Variants in FAM53B observed in about 807,000 individuals in gnomAD.
FAM53B encodes protein FAM53B.
In FAM53B, 12 loss-of-function variants were observed where a neutral mutation model predicts 32.7. The ratio of observed to expected loss-of-function variants is 0.37; its 90% confidence interval spans 0.24 to 0.59. FAM53B has a LOEUF of 0.59. FAM53B is among the 20% of genes least tolerant of loss of function. FAM53B has a pLI of 0.72. For missense variants in FAM53B, 477 were observed against 577.7 expected (o/e 0.83, Z 1.79); for synonymous variants, 234 against 228.7 (o/e 1.02, Z -0.21).
chr10:124,661,419 A>C (rs948522924), intron 4 of FAM53B, among the ~76,000 whole-genome samples: 7 of 152,206 alleles, frequency 4.6e-5, no homozygotes, highest in Admixed American at 3.3e-4. Context: ...CCTCAACTGC[A>C]GAGGAAAAAG....
chr10:124,707,321 C>A (rs1949967213), intron 1 of FAM53B, among the ~76,000 whole-genome samples: 2 of 152,222 alleles, frequency 1.3e-5, no homozygotes, highest in Admixed American at 6.5e-5. Context: ...GCATCCAACA[C>A]CAAAGGGGTC....
At chr10:124,691,965 C>A (rs921373494) in intron 3 of FAM53B, among the ~76,000 whole-genome samples, 1 of 152,202 alleles carries the variant, frequency 6.6e-6, no homozygotes, top group East Asian at 1.9e-4. Flanking sequence ...GGGGGTGGGC[C>A]GCACCACGGA....
chr10:124,676,739 C>T (rs1949738760), intron 4 of FAM53B, among the ~76,000 whole-genome samples: 3 of 152,194 alleles, frequency 2.0e-5, no homozygotes, highest in South Asian at 2.1e-4. Flanking sequence ...CCTGCGGCCC[C>T]GCCCACCCAG....
intron 4 of FAM53B, among the ~76,000 whole-genome samples, chr10:124,647,561 A>G (rs375955900): frequency 1.9e-4 from 29 of 152,324 alleles, no homozygotes; most frequent in African/African-American, 6.7e-4. Flanking sequence ...AACAAGTGTG[A>G]GCAGAGATGC....
intron 2 of FAM53B, chr10:124,703,694 C>A: frequency 6.5e-6 from 1 of 152,716 alleles, no homozygotes; most frequent in Non-Finnish European, 1.5e-5. Flanking sequence ...ACAGATGGAC[C>A]CAAAGCACTG....
chr10:124,693,331 G>A (rs916813941), intron 3 of FAM53B, among the ~76,000 whole-genome samples: 2 of 152,062 alleles, frequency 1.3e-5, no homozygotes, highest in Admixed American at 6.5e-5. Flanking sequence ...TTAGCTGGGC[G>A]TGGTGGCACA....
intron 4 of FAM53B, among the ~76,000 whole-genome samples, chr10:124,634,335 T>C (rs772154319): frequency 4.6e-5 from 7 of 152,206 alleles, no homozygotes; most frequent in Non-Finnish European, 1.0e-4. Context: ...TCCATTGATA[T>C]GAAATGTCCA....
At chr10:124,669,226 G>GT (rs1171128732) in intron 4 of FAM53B, among the ~76,000 whole-genome samples, 3 of 152,252 alleles carry the variant, frequency 2.0e-5, no homozygotes, top group African/African-American at 7.2e-5. Context: ...CTTGAGGGAT[G>GT]TAACGCGCAC....
In FAM53B at chr10:124,622,890, T is replaced by C. The variant is rs1270609510; in HGVS notation, c.*352A>G. Reference sequence around the variant, plus strand: ...CTGACAGCCCCCACCACCAGGGGGATACAGAGCGGTGCCCAGCTCTGCCGG... The same window carrying C: ...CTGACAGCCCCCACCACCAGGGGGACACAGAGCGGTGCCCAGCTCTGCCGG... On this transcript the variant is annotated 3_prime_UTR_variant, in exon 5 of 5. Coordinates refer to ENST00000337318, the MANE Select transcript of FAM53B (RefSeq NM_014661.4). The C allele has an allele frequency of 1.5e-5, 3 of 202,014 alleles. No homozygotes were observed. In the Admixed American group the frequency reaches 1.7e-4, roughly 11 times the overall value. The allele number at this position is 202,014 out of a possible 1,614,324, so 12.5% of individuals were successfully genotyped here.
At chr10:124,724,715 C>G (rs930877276) in intron 1 of FAM53B, among the ~76,000 whole-genome samples, 1 of 152,204 alleles carries the variant, frequency 6.6e-6, no homozygotes, top group African/African-American at 2.4e-5. Context: ...CCAACAGCCC[C>G]AGCCGTGACC....
intron 4 of FAM53B, among the ~76,000 whole-genome samples, chr10:124,664,715 C>T (rs909242885): frequency 1.3e-5 from 2 of 152,224 alleles, no homozygotes; most frequent in Admixed American, 6.5e-5. Context: ...GGGATAGTCC[C>T]GTATTCCAAA....
chr10:124,719,494 A>G (rs1260048994), intron 1 of FAM53B, among the ~76,000 whole-genome samples: 1 of 152,224 alleles, frequency 6.6e-6, no homozygotes, highest in Admixed American at 6.5e-5. Context: ...GAGTTAACCC[A>G]ACTTCCAAAA....
chr10:124,660,607 G>A (rs1013332944), intron 4 of FAM53B, among the ~76,000 whole-genome samples: 5 of 152,232 alleles, frequency 3.3e-5, no homozygotes, highest in South Asian at 2.1e-4. Flanking sequence ...TGAGACAGCC[G>A]AGCCAGCTGC....
Position 124,682,209 on chromosome 10 carries a change from T to TG in FAM53B, c.303dup (p.Asn102GlnfsTer9). 2 of 1,613,964 alleles carry TG rather than the reference T, an allele frequency of 1.2e-6. No individual in the cohort carries two copies. The highest frequency in any genetic ancestry group is 1.7e-6 in the Non-Finnish European group (2 of 1,179,994). On this transcript the variant is annotated frameshift_variant, in exon 4 of 5. Coordinates refer to ENST00000337318, the MANE Select transcript of FAM53B (RefSeq NM_014661.4). LOFTEE classifies it high-confidence loss of function. The surrounding 1 kb of genome is among the most constrained non-coding windows in gnomAD (Gnocchi z 5.2). ...CTAGGGGGTGCTGAGGGGTTCCCGT[T>TG]GTGGTCGCTGATGCTGAGGTCTTTG...
At chr10:124,674,927 G>C (rs964778710) in intron 4 of FAM53B, among the ~76,000 whole-genome samples, 12 of 152,228 alleles carry the variant, frequency 7.9e-5, no homozygotes, top group African/African-American at 2.9e-4. Flanking sequence ...GCTTAGGAAA[G>C]GGCCCCTACT....
intron 1 of FAM53B, among the ~76,000 whole-genome samples, chr10:124,724,666 T>C (rs1328058171): frequency 2.0e-5 from 3 of 152,106 alleles, no homozygotes; most frequent in Non-Finnish European, 4.4e-5. Context: ...AGCATAAAGG[T>C]AGGAAGCTGC....
At chr10:124,659,486 A>C (rs902900917) in intron 4 of FAM53B, among the ~76,000 whole-genome samples, 2 of 152,248 alleles carry the variant, frequency 1.3e-5, no homozygotes, top group African/African-American at 4.8e-5. Flanking sequence ...AAGATGCTCC[A>C]GCCCACGCAA....
intron 1 of FAM53B, among the ~76,000 whole-genome samples, chr10:124,738,283 A>G (rs1950183026): frequency 6.6e-6 from 1 of 152,140 alleles, no homozygotes; most frequent in Non-Finnish European, 1.5e-5. Flanking sequence ...GGAACTTTAA[A>G]GATACCAATG....
intron 1 of FAM53B, among the ~76,000 whole-genome samples, chr10:124,713,022 C>G (rs1431389053): frequency 6.6e-6 from 1 of 152,216 alleles, no homozygotes; most frequent in African/African-American, 2.4e-5. Flanking sequence ...GGCACACACA[C>G]AGGTGGCTGC....
Sources: gnomAD v4.1 joint callset for allele counts (sites outside exome capture counted in the v4.1 genomes callset) on GRCh38, gnomAD v4.1.1 for gene constraint, Gnocchi (gnomAD v3.1) non-coding constraint, MANE v1.5 for transcripts, NCBI Gene and HGNC (gene_info 2026-07-23, HGNC 2026-07-21) for gene names.